The following GSDME variants were observed in gnomAD, a reference collection of about 807,000 sequenced individuals.
GSDME encodes the protein gasdermin-E.
In GSDME, 44 loss-of-function variants were observed where a neutral mutation model predicts 47.5. That is an observed-to-expected ratio of 0.93 (90% CI 0.73 to 1.19). The LOEUF is 1.19. Ranked by LOEUF, GSDME falls within the 50% of genes most tolerant of loss-of-function variation. The pLI is 0.00. For synonymous variants in GSDME, 258 were observed against 252.8 expected (o/e 1.02, Z -0.20); for missense variants, 663 against 604.2 (o/e 1.10, Z -1.02).
chr7:24,749,540 T>C (rs1584107995), intron 2 of GSDME, 24 bp downstream of exon 2: 6 of 1,535,600 alleles, frequency 3.9e-6, no homozygotes, highest in Non-Finnish European at 4.5e-6. Context: ...AGACTAATTA[T>C]AGAATATACC....
intron 5 of GSDME, among the ~76,000 whole-genome samples, chr7:24,711,225 GGTT>G (rs1405136929): frequency 5.3e-5 from 8 of 151,980 alleles, no homozygotes; most frequent in Non-Finnish European, 1.0e-4. Context: ...GTTTGTTTTT[GGTT>G]GTTTTGTTTT....
rs1159880099 is a variant in GSDME at position 24,739,040 on chromosome 7, C to T, written c.404+5522G>A. Among the ~76,000 whole-genome samples, 1 of 152,142 alleles carries T rather than the reference C, an allele frequency of 6.6e-6. No individual in the cohort carries two copies. The highest frequency in any genetic ancestry group is 1.5e-5 in the Non-Finnish European group (1 of 68,020). On this transcript the variant is annotated intron_variant, in intron 3 of 9. Coordinates refer to ENST00000645220, the MANE Select transcript of GSDME (RefSeq NM_001127453.2). This position sits in a 1 kb window ranked among gnomAD's most constrained non-coding sequence, Gnocchi z 5.1. ...AAACTATGAAACTACTATAAGAAAA[C>T]ACGAGGGAAACTCTCTAGGACATTG...
Position 24,757,095 on chromosome 7 carries a change from G to A in GSDME, c.-20+301C>T, listed in dbSNP as rs372421768. Among the ~76,000 whole-genome samples the A allele has an allele frequency of 6.6e-5, 10 of 152,296 alleles. No homozygotes were observed. Among genetic ancestry groups the A allele is most frequent in the Middle Eastern group, 6.8e-3 (2 of 294 alleles). On this transcript the variant is annotated intron_variant, in intron 1 of 9. Coordinates refer to ENST00000645220, the MANE Select transcript of GSDME (RefSeq NM_001127453.2). This position sits in a 1 kb window ranked among gnomAD's most constrained non-coding sequence, Gnocchi z 5.9. Reference sequence around the variant, plus strand: ...GCTTCCAACATCCAAGGAAGGAAGTGGCAGCGGGGACGGGGAGAGGATGGG... The same window carrying A: ...GCTTCCAACATCCAAGGAAGGAAGTAGCAGCGGGGACGGGGAGAGGATGGG...
In GSDME at chr7:24,722,649, C is replaced by G. The variant is rs1239416994; in HGVS notation, c.405-3431G>C. On this transcript the variant is annotated intron_variant, in intron 3 of 9. Coordinates refer to ENST00000645220, the MANE Select transcript of GSDME (RefSeq NM_001127453.2). ...TGGAAATCACAGCCCTCCTACCCGC[C>G]CTAAACAGAATCCACTGAACACTGG... Among the ~76,000 whole-genome samples the G allele has an allele frequency of 2.6e-5, 4 of 152,214 alleles. No homozygotes were observed. In the East Asian group the frequency reaches 5.8e-4, roughly 22 times the overall value.
chr7:24,706,188 G>T lies in GSDME; in HGVS notation c.1179C>A (p.Leu393=). 1 of 1,614,194 alleles carries T rather than the reference G, an allele frequency of 6.2e-7. No homozygotes were observed. Among genetic ancestry groups the T allele is most frequent in the Non-Finnish European group, 8.5e-7 (1 of 1,180,038 alleles). ...FMTAYFLVSA[L]AEMPDSAAAL... The stretch of plus-strand genomic sequence containing the variant: ...TTCATTTTCTTTTCTCCTTACCTGC[G>T]AGGGCACTGACCAAGAAGTAGGCTG... Residue 393 remains leucine, a synonymous_variant, in exon 8 of 10, where the codon CTC becomes CTA. Coordinates refer to ENST00000645220, the MANE Select transcript of GSDME (RefSeq NM_001127453.2).
the GSDME span, among the ~76,000 whole-genome samples, chr7:24,783,436 C>T: frequency 2.0e-5 from 3 of 152,242 alleles, no homozygotes; most frequent in East Asian, 1.9e-4. Context: ...CAACTACCCT[C>T]GGGGGTTTGC....
chr7:24,741,555 G>T (rs942319453), intron 3 of GSDME, among the ~76,000 whole-genome samples: 6 of 152,102 alleles, frequency 3.9e-5, no homozygotes, highest in Admixed American at 3.9e-4. Flanking sequence ...GTTTGTTTTT[G>T]ATATGTGCAC....
intron 3 of GSDME, among the ~76,000 whole-genome samples, chr7:24,741,421 T>C (rs577679367): frequency 5.9e-5 from 9 of 152,226 alleles, no homozygotes; most frequent in African/African-American, 2.2e-4. Flanking sequence ...TAGAATAGTT[T>C]CCATCAAGAA....
intron 2 of GSDME, 60 bp downstream of exon 2, chr7:24,749,504 A>C: frequency 6.9e-7 from 1 of 1,458,642 alleles, no homozygotes; most frequent in Non-Finnish European, 9.4e-7. Context: ...TGTCAAAAAA[A>C]AAAAAAAAAA....
At chr7:24,708,399 TA>T (rs1789210165) in intron 6 of GSDME, 145 bp from the exon 7 acceptor site, 4 of 1,028,706 alleles carry the variant, frequency 3.9e-6, no homozygotes, top group Non-Finnish European at 4.4e-6. Flanking sequence ...AACTCAGAAA[TA>T]AACATCAAGT....
In GSDME at chr7:24,705,487, G is replaced by C. The variant is rs111618466; in HGVS notation, c.1183+697C>G. On this transcript the variant is annotated intron_variant, in intron 8 of 9. Transcript: ENST00000645220. The surrounding 1 kb of genome is among the most constrained non-coding windows in gnomAD (Gnocchi z 4.1). ...ACTAGTGTCACCATGAAGGGAAGCT[G>C]TGGGGACTGGTTTGCCACAACTGGC... 1.7e-3 allele frequency: 268 copies of C among 157,994 alleles called. 1 individual carries two copies. Among genetic ancestry groups the C allele is most frequent in the African/African-American group, 6.2e-3 (258 of 41,610 alleles). The allele number at this position is 157,994 out of a possible 1,614,324, so 9.8% of individuals were successfully genotyped here. A position where few individuals can be genotyped will look rare whatever the true frequency, so the allele number is the denominator to read the frequency against.
intron 2 of GSDME, among the ~76,000 whole-genome samples, chr7:24,749,043 T>C (rs559556191): frequency 6.6e-6 from 1 of 152,352 alleles, no homozygotes; most frequent in South Asian, 2.1e-4. Flanking sequence ...GTCTTACTTT[T>C]ATACTATACC....
rs565846098 is a variant in GSDME at position 24,742,183 on chromosome 7, C to T, written c.404+2379G>A. ...ATGATTCACCCACCAAGTATCCTCC[C>T]TAGGGACGCGGGTTCATGCCTCGGC... On this transcript the variant is annotated intron_variant, in intron 3 of 9. Coordinates refer to ENST00000645220, the MANE Select transcript of GSDME (RefSeq NM_001127453.2). The surrounding 1 kb of genome is among the most constrained non-coding windows in gnomAD (Gnocchi z 4.4). Among the ~76,000 whole-genome samples the T allele has an allele frequency of 9.8e-5, 15 of 152,298 alleles. No individual in the cohort carries two copies. The highest frequency in any genetic ancestry group is 3.4e-4 in the African/African-American group (14 of 41,562).
intron 6 of GSDME, among the ~76,000 whole-genome samples, chr7:24,708,639 C>T (rs555225803): frequency 1.3e-5 from 2 of 152,342 alleles, no homozygotes; most frequent in East Asian, 3.9e-4. Flanking sequence ...TTTTACAATG[C>T]TTTAGAGCCA....
At position 24,725,578 on chromosome 7, in the gene GSDME, G is replaced by A. The variant is rs1038570581; in HGVS notation, c.405-6360C>T. Among the ~76,000 whole-genome samples, 6 of 152,192 alleles carry A rather than the reference G, an allele frequency of 3.9e-5. No individual in the cohort carries two copies. The highest frequency in any genetic ancestry group is 7.3e-5 in the Non-Finnish European group (5 of 68,038). On this transcript the variant is annotated intron_variant, in intron 3 of 9. Transcript: ENST00000645220. This position sits in a 1 kb window ranked among gnomAD's most constrained non-coding sequence, Gnocchi z 5.1. ...TAAGGGCTCACAACTCTAAGGGGGT[G>A]CGCATGAGAGGGTCGTGATCGATTG...
rs756712298 is a variant in GSDME at position 24,699,111 on chromosome 7, A to C, written c.1406T>G (p.Val469Gly). The part of the protein sequence containing the change: ...LERLKSSVKA[V>G]ILKDSKVFPL... ...GAAGACTTTAGAGTCCTTCAGAATG[A>C]CAGCTTTCACAGATGACTTCAGTCT... Residue 469 changes from valine (V) to glycine (G), a missense_variant, in exon 10 of 10, where the codon GTC (valine) becomes GGC (glycine). Transcript: ENST00000645220. 1 of 1,614,134 alleles carries C rather than the reference A, an allele frequency of 6.2e-7. No individual in the cohort carries two copies. Among genetic ancestry groups the C allele is most frequent in the Admixed American group, 1.7e-5 (1 of 60,016 alleles).
rs746253092 is a variant in GSDME at position 24,725,770 on chromosome 7, C to T, written c.405-6552G>A. 3.9e-5 allele frequency among the ~76,000 whole-genome samples: 6 copies of T among 152,022 alleles called. No individual in the cohort carries two copies. Among genetic ancestry groups the T allele is most frequent in the South Asian group, 2.1e-4 (1 of 4,820 alleles). Reference sequence around the variant, plus strand: ...TTTAACGACCAGGCCCAGGGTGTGACGCCGGGCTGTCTGCTTGTGGATTTC... The same window carrying T: ...TTTAACGACCAGGCCCAGGGTGTGATGCCGGGCTGTCTGCTTGTGGATTTC... On this transcript the variant is annotated intron_variant, in intron 3 of 9. Transcript: ENST00000645220. This position sits in a 1 kb window ranked among gnomAD's most constrained non-coding sequence, Gnocchi z 5.1.
the GSDME span, among the ~76,000 whole-genome samples, chr7:24,768,424 G>A: frequency 6.6e-6 from 1 of 152,140 alleles, no homozygotes; most frequent in South Asian, 2.1e-4. This position sits in a 1 kb window ranked among gnomAD's most constrained non-coding sequence, Gnocchi z 5.6. Flanking sequence ...ACCAGACGGG[G>A]GAACAGCCTT....
At chr7:24,788,877 A>G in the GSDME span, among the ~76,000 whole-genome samples, 12 of 152,258 alleles carry the variant, frequency 7.9e-5, no homozygotes, top group Non-Finnish European at 1.5e-4. The surrounding 1 kb of genome is among the most constrained non-coding windows in gnomAD (Gnocchi z 4.6). Context: ...TCAACAGGCA[A>G]TATCACAATA....
Sources: allele counts gnomAD v4.1 joint callset (sites outside exome capture counted in the v4.1 genomes callset), GRCh38; gene constraint gnomAD v4.1.1; non-coding constraint Gnocchi (gnomAD v3.1); transcripts MANE v1.5; gene names NCBI Gene and HGNC (gene_info 2026-07-23, HGNC 2026-07-21).